Variants in MDM1 observed in about 807,000 individuals in gnomAD.
The protein encoded by MDM1 is stabilizer of axonemal microtubules 6, also known as Mdm1 nuclear protein.
Under a neutral mutation model 89.1 loss-of-function variants are expected in MDM1, and 61 were observed. That is an observed-to-expected ratio of 0.68 (90% confidence interval 0.56 to 0.85). The LOEUF is 0.85. Ranked by LOEUF, MDM1 falls within the 40% of genes least tolerant of loss-of-function variation. The probability of loss-of-function intolerance (pLI) is 0.00; values close to 1 mark genes in which losing one functional copy is unlikely to be tolerated. For synonymous variants in MDM1, 290 were observed against 294.1 expected (o/e 0.99, Z 0.14); for missense variants, 820 against 846.5 (o/e 0.97, Z 0.39).
chr12:68,316,516 T>C (rs150241340), intron 8 of MDM1, 65 bp downstream of exon 8: 13 of 1,355,874 alleles, frequency 9.6e-6, no homozygotes, highest in Middle Eastern at 1.8e-4. Context: ...ACCTACTTTT[T>C]ATTCCAACTG....
chr12:68,310,253 G>A (rs1278979248), intron 12 of MDM1, among the ~76,000 whole-genome samples: 3 of 152,198 alleles, frequency 2.0e-5, no homozygotes, highest in African/African-American at 2.4e-5. Flanking sequence ...TTATAAACAT[G>A]AGCTACCGCA....
chr12:68,323,661 CG>C lies in MDM1; in HGVS notation c.634-422del, dbSNP rs1168260615. Among the ~76,000 whole-genome samples, 13 of 151,994 alleles carry C rather than the reference CG, an allele frequency of 8.6e-5. 1 individual carries two copies. On this transcript the variant is annotated intron_variant, in intron 4 of 14. Transcript: ENST00000682720. ...TTTTCTTCCCTTGGCTTATTTTCAG[CG>C]TATTTTATTAAGGCAAAGAAAATGT...
At position 68,321,628 on chromosome 12, in the gene MDM1, T is replaced by C; in HGVS notation, c.802A>G (p.Ser268Gly). 2 of 1,596,288 alleles carry C rather than the reference T, an allele frequency of 1.3e-6. No individual in the cohort carries two copies. The highest frequency in any genetic ancestry group is 2.2e-5 in the South Asian group (2 of 89,846). ...TTTAAACGATCGTCTATTTTATTAC[T>C]CTGAAATGGAAATCATTTAAGCTTT... ...NLETVSPERKSNKIDDRLKLE... is the reference protein window; with the variant it reads ...NLETVSPERKGNKIDDRLKLE... The change falls in exon 6 of 15, where the codon AGT becomes GGT. Residue 268 changes from serine (S) to glycine (G), a missense_variant and splice_region_variant. Physicochemically the swap from Ser to Gly is moderately conservative, Grantham distance 56 (BLOSUM62 0). Coordinates refer to ENST00000682720, the MANE Select transcript of MDM1 (RefSeq NM_001354969.2).
chr12:68,329,827 GAC>G (rs1876530963), intron 2 of MDM1, among the ~76,000 whole-genome samples: 1 of 152,124 alleles, frequency 6.6e-6, no homozygotes, highest in Admixed American at 6.5e-5. Flanking sequence ...TCTGGCCCAG[GAC>G]TCTGCCTTCC....
At position 68,321,437 on chromosome 12, in the gene MDM1, A is replaced by G; in HGVS notation, c.915T>C (p.Asn305=). ...PWKHQRLGKV[N]SEYRAKFLSP... is the part of the protein sequence containing the mutation. Reference sequence around the variant, plus strand: ...TCAGAAATTTTGCTCTATATTCGGAATTCACCTTCCTAATAGAAATGAAAT... The same window carrying G: ...TCAGAAATTTTGCTCTATATTCGGAGTTCACCTTCCTAATAGAAATGAAAT... The change falls in exon 7 of 15, where the codon AAT becomes AAC. Residue 305 remains asparagine, a synonymous_variant. Transcript: ENST00000682720. The G allele has an allele frequency of 7.4e-6, 12 of 1,613,634 alleles. No individual in the cohort carries two copies. Among genetic ancestry groups the G allele is most frequent in the Non-Finnish European group, 1.0e-5 (12 of 1,179,800 alleles).
In MDM1 at chr12:68,323,070, T is replaced by C. The variant is rs753056963; in HGVS notation, c.801+3A>G. On this transcript the variant is annotated splice_donor_region_variant and intron_variant, in intron 5 of 14. Transcript: ENST00000682720. ...TTTTGTAAGGTTAAAAGTTGATGAA[T>C]ACCTTCCTTTCAGGAGACACTGTTT... 6.3e-7 allele frequency: 1 copy of C among 1,596,750 alleles called. No individual in the cohort carries two copies. Among genetic ancestry groups the C allele is most frequent in the South Asian group, 1.2e-5 (1 of 86,834 alleles).
At chr12:68,323,382 A>AT (rs1875502301) in intron 4 of MDM1, 142 bp from the exon 5 acceptor site, 1 of 595,236 alleles carries the variant, frequency 1.7e-6, no homozygotes, top group Admixed American at 3.7e-5. Context: ...CATTTCACAT[A>AT]TATTATTAAC....
chr12:68,296,854 C>T (rs1781782820), intron 14 of MDM1, 69 bp downstream of exon 14: 3 of 1,064,142 alleles, frequency 2.8e-6, no homozygotes, highest in Non-Finnish European at 4.0e-6. Flanking sequence ...AAGTGCTAAT[C>T]AAATGTAAAG....
At position 68,303,647 on chromosome 12, in the gene MDM1, CTG is replaced by C. The variant is rs1872518117; in HGVS notation, c.1750-777_1750-776del. ...ACAATAAGCATCTGGTTTTAAAAAA[CTG>C]TGGTGTAACTATAGATTGCACGTCG... is the stretch of plus-strand genomic sequence containing the variant. On this transcript the variant is annotated intron_variant, in intron 12 of 14. Transcript: ENST00000682720. Among the ~76,000 whole-genome samples the C allele has an allele frequency of 3.3e-5, 5 of 152,258 alleles. No homozygotes were observed. The South Asian group carries it at 6.2e-4, about 19-fold the overall frequency.
chr12:68,296,426 A>C (rs1246714151), intron 14 of MDM1, among the ~76,000 whole-genome samples: 1 of 152,248 alleles, frequency 6.6e-6, no homozygotes, highest in African/African-American at 2.4e-5. Context: ...TGAACCCGGG[A>C]GGCAGAGGCT....
intron 5 of MDM1, 39 bp from the exon 6 acceptor site, chr12:68,321,667 G>T: frequency 7.5e-7 from 1 of 1,328,434 alleles, no homozygotes; most frequent in Non-Finnish European, 1.1e-6. Context: ...TGCTTAAGAT[G>T]TTACACATTA....
chr12:68,311,160 T>C (rs1873622134), intron 12 of MDM1, among the ~76,000 whole-genome samples: 1 of 152,152 alleles, frequency 6.6e-6, no homozygotes, highest in Non-Finnish European at 1.5e-5. Flanking sequence ...CATGACAAAT[T>C]CAAAACCCTA....
At chr12:68,309,281 C>T (rs1390252272) in intron 12 of MDM1, among the ~76,000 whole-genome samples, 1 of 152,124 alleles carries the variant, frequency 6.6e-6, no homozygotes, top group Admixed American at 6.6e-5. Context: ...GCTCCTTCTC[C>T]CCATCCTTTT....
Position 68,326,656 on chromosome 12 carries a change from C to T in MDM1, c.498+1G>A. ...AAAAGAAATGCAGTGAATATGCCTA[C>T]CCCATTATCTACATTTTCTGAAAGA... On this transcript the variant is annotated splice_donor_variant, in intron 3 of 14. Coordinates refer to ENST00000682720, the MANE Select transcript of MDM1 (RefSeq NM_001354969.2). LOFTEE classifies it high-confidence loss of function. 6.2e-6 allele frequency: 10 copies of T among 1,614,114 alleles called. No homozygotes were observed. The highest frequency in any genetic ancestry group is 6.8e-6 in the Non-Finnish European group (8 of 1,179,982).
At chr12:68,316,645 G>A (rs1874545467) in intron 7 of MDM1, 35 bp from the exon 8 acceptor site, 2 of 1,471,528 alleles carry the variant, frequency 1.4e-6, no homozygotes, top group African/African-American at 1.4e-5. Context: ...CTTAATGATA[G>A]GTTAATGCCA....
At chr12:68,308,752 T>C (rs762846424) in intron 12 of MDM1, among the ~76,000 whole-genome samples, 2 of 152,208 alleles carry the variant, frequency 1.3e-5, no homozygotes, top group Non-Finnish European at 2.9e-5. Flanking sequence ...CTATTAAATA[T>C]TGAATTGAAT....
At chr12:68,313,254 T>C (rs546487515) in intron 12 of MDM1, among the ~76,000 whole-genome samples, 189 bp downstream of exon 12, 1 of 152,304 alleles carries the variant, frequency 6.6e-6, no homozygotes, top group African/African-American at 2.4e-5. Context: ...TGAAAGTGTA[T>C]CAACAAAAAC....
At chr12:68,310,903 T>C (rs1265252939) in intron 12 of MDM1, among the ~76,000 whole-genome samples, 1 of 152,222 alleles carries the variant, frequency 6.6e-6, no homozygotes, top group African/African-American at 2.4e-5. Flanking sequence ...TTAAGCCTTG[T>C]CATTACTGGT....
intron 13 of MDM1, among the ~76,000 whole-genome samples, chr12:68,298,486 C>G (rs1274612308): frequency 1.3e-5 from 2 of 152,174 alleles, no homozygotes; most frequent in Non-Finnish European, 2.9e-5. Context: ...CCCTTGTCCA[C>G]CACTGCAGAC....
Sources: gnomAD v4.1 joint callset for allele counts (sites outside exome capture counted in the v4.1 genomes callset) on GRCh38, gnomAD v4.1.1 for gene constraint, MANE v1.5 for transcripts, NCBI Gene and HGNC (gene_info 2026-07-23, HGNC 2026-07-21) for gene names.